ADRA1B: variants seen among roughly 807,000 people sequenced by gnomAD.
The protein encoded by ADRA1B is alpha-1B adrenergic receptor.
A neutral mutation model predicts 17.9 loss-of-function variants in ADRA1B; 17 were observed. The ratio of observed to expected loss-of-function variants is 0.95; its 90% CI spans 0.65 to 1.42. The LOEUF is 1.42. ADRA1B is among the 40% of genes most tolerant of loss of function. The probability of loss-of-function intolerance (pLI) is 0.00; values close to 1 mark genes in which losing one functional copy is unlikely to be tolerated. For missense variants in ADRA1B, 681 were observed against 722.1 expected, an observed-to-expected ratio of 0.94 and a Z score of 0.65; for synonymous variants, 366 against 327.6, an observed-to-expected ratio of 1.12 and a Z score of -1.27.
At chr5:159,892,143 A>T (rs1407014482) in intron 1 of ADRA1B, among the ~76,000 whole-genome samples, 1 of 152,168 alleles carries the variant, frequency 6.6e-6, no homozygotes, top group African/African-American at 2.4e-5. Context: ...AGGCTGAGGC[A>T]AAAGAATTGC....
At chr5:159,908,762 C>A (rs1201487296) in intron 1 of ADRA1B, among the ~76,000 whole-genome samples, 1 of 152,236 alleles carries the variant, frequency 6.6e-6, no homozygotes, top group Non-Finnish European at 1.5e-5. Flanking sequence ...CACAATGCTG[C>A]ATGCATAACT....
chr5:159,932,548 A>G (rs1297950718), intron 1 of ADRA1B, among the ~76,000 whole-genome samples: 1 of 152,178 alleles, frequency 6.6e-6, no homozygotes, highest in Non-Finnish European at 1.5e-5. Flanking sequence ...AGCCATTTAC[A>G]CCAATAGATA....
downstream of ADRA1B, among the ~76,000 whole-genome samples, chr5:159,976,563 A>T (rs185979905): frequency 6.6e-6 from 1 of 151,540 alleles, no homozygotes; most frequent in Admixed American, 6.6e-5. Flanking sequence ...GCTACTCGGG[A>T]GGCTAAGGCA....
chr5:159,963,615 T>A (rs951722826), intron 1 of ADRA1B, among the ~76,000 whole-genome samples: 1 of 152,206 alleles, frequency 6.6e-6, no homozygotes, highest in Admixed American at 6.5e-5. Context: ...AAGGAGTAAC[T>A]GGCCCAACAG....
the ADRA1B span, among the ~76,000 whole-genome samples, chr5:159,986,173 G>A: frequency 6.6e-6 from 1 of 152,134 alleles, no homozygotes; most frequent in Non-Finnish European, 1.5e-5. Flanking sequence ...ATAGTTCACT[G>A]CAGCCTCGAA....
intron 1 of ADRA1B, among the ~76,000 whole-genome samples, chr5:159,938,908 G>T (rs1034873026): frequency 6.6e-6 from 1 of 152,100 alleles, no homozygotes; most frequent in East Asian, 1.9e-4. Context: ...CTAAATTTGG[G>T]GGCAGCCAGT....
At position 159,971,856 on chromosome 5, in the gene ADRA1B, GCCCAC is replaced by G; in HGVS notation, c.950-19_950-15del. The G allele has an allele frequency of 4.6e-6, 6 of 1,306,146 alleles. No individual in the cohort carries two copies. Among genetic ancestry groups the G allele is most frequent in the Admixed American group, 3.1e-5 (1 of 32,438 alleles). 80.9% of individuals were successfully genotyped at this position (1,306,146 alleles called of 1,614,324 possible). A position where few individuals can be genotyped will look rare whatever the true frequency, so the allele number is the denominator to read the frequency against. On this transcript the variant is annotated intron_variant, in intron 1 of 1. Coordinates refer to ENST00000306675, the MANE Select transcript of ADRA1B (RefSeq NM_000679.4). Reference sequence around the variant, plus strand: ...CACAAATTGCTGTCTTTCTGCCCGTGCCCACCCCCCTCCCCACTGCAGGCTCCTTG... The same window carrying G: ...CACAAATTGCTGTCTTTCTGCCCGTGCCCCCTCCCCACTGCAGGCTCCTTG...
the ADRA1B span, among the ~76,000 whole-genome samples, chr5:159,988,211 A>T: frequency 1.3e-5 from 2 of 152,286 alleles, no homozygotes; most frequent in East Asian, 3.9e-4. Flanking sequence ...GACTTTGAAG[A>T]TGGGGAAAGG....
Position 159,916,544 on chromosome 5 carries a change from C to T in ADRA1B, c.-362C>T, listed in dbSNP as rs2085333242. ...TTCGGCGCTCGCTGGGCGGAGGACG[C>T]GCCGCGGTCCGCAGACCCGAGCGAG... On this transcript the variant is annotated 5_prime_UTR_variant, in exon 1 of 2. Transcript: ENST00000306675. 5.6e-6 allele frequency: 1 copy of T among 177,508 alleles called. No individual in the cohort carries two copies. The highest frequency in any genetic ancestry group is 1.2e-5 in the Non-Finnish European group (1 of 85,378). 11.0% of individuals were successfully genotyped at this position (177,508 alleles called of 1,614,324 possible). A position where few individuals can be genotyped will look rare whatever the true frequency, so the allele number is the denominator to read the frequency against.
chr5:159,973,471 G>A (rs890739285), downstream of ADRA1B, among the ~76,000 whole-genome samples: 1 of 152,186 alleles, frequency 6.6e-6, no homozygotes, highest in African/African-American at 2.4e-5. Context: ...CAGGCAGAGA[G>A]AGGGGCTGGT....
rs1755885514 is a variant in ADRA1B at position 159,972,199 on chromosome 5, G to T, written c.1270G>T (p.Ala424Ser). The change falls in exon 2 of 2, where the codon GCC (alanine) becomes TCC (serine). Residue 424 changes from alanine (A) to serine (S), a missense_variant. Transcript: ENST00000306675. ...CGGCAGCCAGCGGACCCTGCCCTCGGCCTCGCCGAGCCCGGGCTACCTGGG... is the reference window on the plus strand; with the variant it reads ...CGGCAGCCAGCGGACCCTGCCCTCGTCCTCGCCGAGCCCGGGCTACCTGGG... ...LSGSQRTLPS[A>S]SPSPGYLGRG... 4 of 1,361,014 alleles carry T rather than the reference G, an allele frequency of 2.9e-6. No individual in the cohort carries two copies. The highest frequency in any genetic ancestry group is 3.8e-6 in the Non-Finnish European group (4 of 1,052,204). 84.3% of individuals were successfully genotyped at this position (1,361,014 alleles called of 1,614,324 possible). A position where few individuals can be genotyped will look rare whatever the true frequency, so the allele number is the denominator to read the frequency against.
chr5:159,967,631 G>C (rs1020199424), intron 1 of ADRA1B, among the ~76,000 whole-genome samples: 11 of 152,132 alleles, frequency 7.2e-5, no homozygotes, highest in Admixed American at 4.6e-4. Context: ...CTCAAGAGAG[G>C]TTTCAATACG....
At chr5:159,969,699 C>T (rs937877089) in intron 1 of ADRA1B, among the ~76,000 whole-genome samples, 1 of 152,118 alleles carries the variant, frequency 6.6e-6, no homozygotes, top group Non-Finnish European at 1.5e-5. Flanking sequence ...CAAAATATGC[C>T]ACAAGCCAAG....
Position 159,972,390 on chromosome 5 carries a change from C to A in ADRA1B, c.1461C>A (p.Thr487=), listed in dbSNP as rs1755892960. 3 of 1,512,666 alleles carry A rather than the reference C, an allele frequency of 2.0e-6. No individual in the cohort carries two copies. The South Asian group carries it at 3.7e-5, about 18-fold the overall frequency. 93.7% of individuals were successfully genotyped at this position (1,512,666 alleles called of 1,614,324 possible). ...TGACCGAGCCCGAGAGCCCCGGGAC[C>A]GACGGCGGCGCCAGCAACGGAGGCT... ...KLLTEPESPG[T]DGGASNGGCE... The change falls in exon 2 of 2, where the codon ACC becomes ACA. Residue 487 remains threonine, a synonymous_variant. Transcript: ENST00000306675.
At chr5:159,912,628 G>A (rs533416341), upstream of ADRA1B, among the ~76,000 whole-genome samples, 1 of 152,374 alleles carries the variant, frequency 6.6e-6, no homozygotes, top group South Asian at 2.1e-4. Context: ...GGTGCAGAGA[G>A]AAGGATGCAA....
At chr5:159,867,967 G>C (rs914303971) in intron 1 of ADRA1B, 2 of 152,154 alleles carry the variant, frequency 1.3e-5, no homozygotes, top group Admixed American at 6.5e-5. Context: ...AACACCCATT[G>C]CAAACAAAGT....
At chr5:159,881,151 G>A (rs868331146) in intron 1 of ADRA1B, among the ~76,000 whole-genome samples, 60 of 142,722 alleles carry the variant, frequency 4.2e-4, no homozygotes, top group Non-Finnish European at 5.8e-4. Flanking sequence ...TCCGCAGTCC[G>A]GCCTGGGCGA....
intron 1 of ADRA1B, among the ~76,000 whole-genome samples, chr5:159,887,870 C>G (rs565216164): frequency 1.3e-5 from 2 of 150,214 alleles, no homozygotes; most frequent in African/African-American, 2.5e-5. Flanking sequence ...GAAGTGCTAA[C>G]AAGGGTTTGG....
In ADRA1B at chr5:159,917,798, T is replaced by C; in HGVS notation, c.893T>C (p.Ile298Thr). Reference sequence around the variant, plus strand: ...AAGAAAGCAGCTAAGACGTTGGGCATTGTGGTCGGTATGTTCATCTTGTGC... The same window carrying C: ...AAGAAAGCAGCTAAGACGTTGGGCACTGTGGTCGGTATGTTCATCTTGTGC... ...REKKAAKTLGIVVGMFILCWL... is the reference protein window; with the variant it reads ...REKKAAKTLGTVVGMFILCWL... Residue 298 changes from isoleucine to threonine, a missense_variant, in exon 1 of 2, where the codon ATT becomes ACT. Around this residue, in one of 3 missense-constraint regions of ADRA1B, gnomAD observed 424 missense variants for 480.2 expected, o/e 0.88. Coordinates refer to ENST00000306675, the MANE Select transcript of ADRA1B (RefSeq NM_000679.4). The C allele has an allele frequency of 1.9e-6, 3 of 1,613,572 alleles. No homozygotes were observed. The highest frequency in any genetic ancestry group is 2.5e-6 in the Non-Finnish European group (3 of 1,179,940).
Sources: allele counts gnomAD v4.1 joint callset (sites outside exome capture counted in the v4.1 genomes callset), GRCh38; gene constraint gnomAD v4.1.1; regional missense constraint gnomAD v4.1.1; transcripts MANE v1.5; gene names NCBI Gene and HGNC (gene_info 2026-07-23, HGNC 2026-07-21).